Variants in STK3 observed in about 807,000 individuals in gnomAD.
The protein encoded by STK3 is serine/threonine kinase 3.
In STK3, 41 loss-of-function variants were observed where a neutral mutation model predicts 58.0. That is an observed-to-expected ratio of 0.71 (90% CI 0.55 to 0.92). The LOEUF (loss-of-function observed/expected upper bound fraction) is 0.92. STK3 is among the 40% of genes least tolerant of loss of function. The probability of loss-of-function intolerance (pLI) is 0.00; values close to 1 mark genes in which losing one functional copy is unlikely to be tolerated. For synonymous variants in STK3, 170 were observed against 191.0 expected (o/e 0.89, Z 0.91); for missense variants, 479 against 602.7 (o/e 0.79, Z 2.15).
chr8:98,641,193 T>C (rs953325736), intron 6 of STK3, among the ~76,000 whole-genome samples: 9 of 152,326 alleles, frequency 5.9e-5, no homozygotes, highest in Non-Finnish European at 1.2e-4. Flanking sequence ...GATTGGTTAA[T>C]GAATCTGCAA....
chr8:98,553,217 C>T (rs1350993446), intron 8 of STK3: 1 of 152,122 alleles, frequency 6.6e-6, no homozygotes, highest in Non-Finnish European at 1.5e-5. Context: ...CAGACACATT[C>T]CTTCTCAGCT....
At chr8:98,906,931 T>C (rs1838926185) in intron 1 of STK3, among the ~76,000 whole-genome samples, 1 of 151,334 alleles carries the variant, frequency 6.6e-6, no homozygotes, top group Non-Finnish European at 1.5e-5. Context: ...GAGGATCTGT[T>C]GAGACCAGGA....
chr8:98,801,468 A>G (rs1237071018), intron 1 of STK3, among the ~76,000 whole-genome samples: 1 of 152,076 alleles, frequency 6.6e-6, no homozygotes, highest in Non-Finnish European at 1.5e-5. Context: ...TGCCTTTATG[A>G]GCTGTAACAC....
downstream of STK3, among the ~76,000 whole-genome samples, chr8:98,453,198 C>T (rs1163018213): frequency 1.8e-5 from 2 of 108,120 alleles, no homozygotes; most frequent in African/African-American, 7.4e-5. Context: ...AAGTGATTCT[C>T]CTGCCTCAGC....
chr8:98,865,858 G>T (rs1837119517), intron 3 of STK3, among the ~76,000 whole-genome samples: 1 of 152,228 alleles, frequency 6.6e-6, no homozygotes, highest in Non-Finnish European at 1.5e-5. Context: ...GTGTGAAATA[G>T]CCCACTAGGT....
At chr8:98,797,635 C>CA (rs1422919780) in intron 1 of STK3, among the ~76,000 whole-genome samples, 1 of 152,126 alleles carries the variant, frequency 6.6e-6, no homozygotes, top group Non-Finnish European at 1.5e-5. Context: ...CACACTTTGT[C>CA]AAAACTCATC....
intron 8 of STK3, among the ~76,000 whole-genome samples, chr8:98,578,098 T>A (rs1231215190): frequency 6.6e-6 from 1 of 152,120 alleles, no homozygotes; most frequent in Non-Finnish European, 1.5e-5. Flanking sequence ...TGATAATATA[T>A]GATAAAGTGC....
At chr8:98,756,190 G>T (rs1186246374) in intron 3 of STK3, among the ~76,000 whole-genome samples, 2 of 151,048 alleles carry the variant, frequency 1.3e-5, no homozygotes, top group Non-Finnish European at 3.0e-5. Context: ...AGAAAGAAAA[G>T]AACCAACGAA....
chr8:98,466,942 T>C (rs541532855), intron 10 of STK3, among the ~76,000 whole-genome samples: 2 of 152,296 alleles, frequency 1.3e-5, no homozygotes, highest in East Asian at 3.9e-4. Context: ...ACTACTCCAA[T>C]GGCCCTTAGT....
chr8:98,738,956 G>C lies in STK3; in HGVS notation c.351+10320C>G, dbSNP rs187915380. 6.7e-3 allele frequency among the ~76,000 whole-genome samples: 1,016 copies of C among 152,344 alleles called. 7 individuals are homozygous for C. The highest frequency in any genetic ancestry group is 0.023 in the African/African-American group (950 of 41,584). On this transcript the variant is annotated intron_variant, in intron 4 of 10. Transcript: ENST00000419617. ...GAGATTATATCCCACACCTGGCTCG[G>C]AGGGTCCTACGCCCAAGGAGTCTCA...
chr8:98,846,851 G>T (rs1001672264), intron 3 of STK3, among the ~76,000 whole-genome samples: 8 of 145,082 alleles, frequency 5.5e-5, no homozygotes, highest in Non-Finnish European at 1.2e-4. Context: ...AACTATTCAG[G>T]ATCCTACACA....
At chr8:98,511,670 T>C (rs1158511957) in intron 10 of STK3, among the ~76,000 whole-genome samples, 1 of 152,130 alleles carries the variant, frequency 6.6e-6, no homozygotes, top group African/African-American at 2.4e-5. Flanking sequence ...ATAAATACCA[T>C]CCACTTTCTC....
intron 1 of STK3, among the ~76,000 whole-genome samples, chr8:98,889,404 C>G (rs554105807): frequency 1.3e-5 from 2 of 152,202 alleles, no homozygotes; most frequent in Non-Finnish European, 2.9e-5. Context: ...GCAAAGCACT[C>G]CTATAACAAA....
At chr8:98,743,400 G>C (rs1364022068) in intron 4 of STK3, among the ~76,000 whole-genome samples, 1 of 152,028 alleles carries the variant, frequency 6.6e-6, no homozygotes, top group Non-Finnish European at 1.5e-5. Flanking sequence ...TAGATCAATG[G>C]AACAGAACAG....
chr8:98,402,169 C>T (rs1817949657), intron 3 of STK3, among the ~76,000 whole-genome samples: 3 of 152,136 alleles, frequency 2.0e-5, no homozygotes. Context: ...AGGTAGCATC[C>T]TCATCACATC....
chr8:98,853,455 G>A (rs1176493322), intron 3 of STK3, among the ~76,000 whole-genome samples: 1 of 152,128 alleles, frequency 6.6e-6, no homozygotes, highest in Middle Eastern at 3.2e-3. Flanking sequence ...TTCTTCTATT[G>A]CTGTTTTCCT....
At chr8:98,543,031 G>A (rs1810417151) in intron 9 of STK3, among the ~76,000 whole-genome samples, 1 of 152,198 alleles carries the variant, frequency 6.6e-6, no homozygotes, top group Admixed American at 6.5e-5. Context: ...GCATGACAGT[G>A]CTGTAAGAGT....
intron 4 of STK3, among the ~76,000 whole-genome samples, chr8:98,743,489 A>T (rs1221196828): frequency 1.3e-5 from 2 of 152,224 alleles, no homozygotes; most frequent in African/African-American, 4.8e-5. Flanking sequence ...TGGGGAAAGG[A>T]TTCCCTATTT....
intron 3 of STK3, among the ~76,000 whole-genome samples, chr8:98,753,235 T>C (rs961591203): frequency 5.3e-5 from 8 of 152,192 alleles, no homozygotes; most frequent in African/African-American, 1.9e-4. Context: ...TGCCCATCAA[T>C]GATAGACTGG....
Sources: gnomAD v4.1 joint callset for allele counts (sites outside exome capture counted in the v4.1 genomes callset) on GRCh38, gnomAD v4.1.1 for gene constraint, MANE v1.5 for transcripts, NCBI Gene and HGNC (gene_info 2026-07-23, HGNC 2026-07-21) for gene names.